The following KLHL20 variants were observed in gnomAD, a reference collection of about 807,000 sequenced individuals.
KLHL20 encodes kelch-like protein 20.
Under a neutral mutation model 69.5 loss-of-function variants are expected in KLHL20, and 29 were observed. The ratio of observed to expected loss-of-function variants is 0.42; its 90% confidence interval spans 0.31 to 0.57. The LOEUF (loss-of-function observed/expected upper bound fraction) is 0.57, where lower values mean the gene tolerates loss of function less well. Ranked by LOEUF, KLHL20 falls within the 20% of genes least tolerant of loss-of-function variation. KLHL20 has a pLI of 0.18. For missense variants in KLHL20, 419 were observed against 776.0 expected (o/e 0.54, Z 5.47); for synonymous variants, 253 against 265.2 (o/e 0.95, Z 0.45).
chr1:173,738,749 A>T (rs1007539601), intron 3 of KLHL20, among the ~76,000 whole-genome samples: 2 of 152,184 alleles, frequency 1.3e-5, no homozygotes, highest in African/African-American at 4.8e-5. Flanking sequence ...TAATGAAATG[A>T]TCATATGATT....
chr1:173,772,568 ATAGT>A (rs1648163810), intron 8 of KLHL20, among the ~76,000 whole-genome samples: 1 of 152,216 alleles, frequency 6.6e-6, no homozygotes, highest in African/African-American at 2.4e-5. Context: ...GATTAACCAA[ATAGT>A]TAATATTATT....
intron 2 of KLHL20, among the ~76,000 whole-genome samples, chr1:173,716,536 A>G (rs779810802): frequency 1.3e-5 from 2 of 152,206 alleles, no homozygotes; most frequent in Non-Finnish European, 2.9e-5. Flanking sequence ...AAGATTGTAT[A>G]AGGACTAAAA....
At chr1:173,764,311 TG>T (rs892010202) in intron 7 of KLHL20, among the ~76,000 whole-genome samples, 20 of 152,288 alleles carry the variant, frequency 1.3e-4, no homozygotes, top group African/African-American at 4.6e-4. Flanking sequence ...TGGAAAACAG[TG>T]CAGAGATTCC....
intron 3 of KLHL20, among the ~76,000 whole-genome samples, chr1:173,740,563 G>A (rs1189131965): frequency 6.6e-6 from 1 of 152,058 alleles, no homozygotes; most frequent in East Asian, 1.9e-4. Context: ...CGCTTTTGCT[G>A]TATCCCACAG....
rs143333518 is a variant in KLHL20, at chr1:173,734,881, A to G, written c.597+595A>G. ...TTATAATCTAGCAGGGAAGATAATC[A>G]TTAAATGCTTAATTATACAAATAAT... is the stretch of plus-strand genomic sequence containing the variant. On this transcript the variant is annotated intron_variant, in intron 3 of 11. Transcript: ENST00000209884. Among the ~76,000 whole-genome samples the G allele has an allele frequency of 1.4e-4, 21 of 152,366 alleles. 1 individual carries two copies. Among genetic ancestry groups the G allele is most frequent in the African/African-American group, 4.8e-4 (20 of 41,586 alleles).
intron 3 of KLHL20, among the ~76,000 whole-genome samples, chr1:173,749,014 G>A (rs1264729855): frequency 1.3e-5 from 2 of 152,028 alleles, no homozygotes; most frequent in Admixed American, 1.3e-4. Flanking sequence ...CCTCCAAAGT[G>A]AACCTGATAC....
intron 2 of KLHL20, among the ~76,000 whole-genome samples, chr1:173,729,901 T>C (rs1672175190): frequency 6.6e-6 from 1 of 152,116 alleles, no homozygotes. Context: ...ATAAAGAATA[T>C]TCAGTTAGGA....
chr1:173,725,118 T>C (rs1671897053), intron 2 of KLHL20, among the ~76,000 whole-genome samples: 1 of 151,890 alleles, frequency 6.6e-6, no homozygotes, highest in Non-Finnish European at 1.5e-5. Flanking sequence ...TTTCTTGGGC[T>C]TTTAAAAATA....
chr1:173,742,563 G>C (rs1416172636), intron 3 of KLHL20, among the ~76,000 whole-genome samples: 2 of 151,980 alleles, frequency 1.3e-5, no homozygotes, highest in Non-Finnish European at 2.9e-5. Context: ...AGCATGGGTT[G>C]TGAGATGCAA....
At chr1:173,764,745 A>G (rs1262948347) in intron 7 of KLHL20, among the ~76,000 whole-genome samples, 1 of 152,156 alleles carries the variant, frequency 6.6e-6, no homozygotes, top group Non-Finnish European at 1.5e-5. Flanking sequence ...GAAGGGGGTC[A>G]AGGGATAAAA....
chr1:173,722,670 T>A (rs1040822898), intron 2 of KLHL20, among the ~76,000 whole-genome samples: 3 of 147,916 alleles, frequency 2.0e-5, no homozygotes, highest in East Asian at 4.0e-4. Flanking sequence ...AGAGCATTAT[T>A]TTTTTTTGCT....
chr1:173,718,476 C>A (rs1408254976), intron 2 of KLHL20, among the ~76,000 whole-genome samples: 2 of 150,218 alleles, frequency 1.3e-5, no homozygotes, highest in African/African-American at 4.9e-5. Context: ...GTCTGGGAGG[C>A]AGAGATTGCA....
intron 8 of KLHL20, among the ~76,000 whole-genome samples, chr1:173,770,013 C>T (rs1316713029): frequency 1.3e-5 from 2 of 152,026 alleles, no homozygotes; most frequent in Non-Finnish European, 1.5e-5. Flanking sequence ...AAACCACTCA[C>T]TCCTATTTCT....
intron 3 of KLHL20, among the ~76,000 whole-genome samples, chr1:173,747,299 A>G (rs1439590161): frequency 1.3e-5 from 2 of 151,796 alleles, no homozygotes; most frequent in Non-Finnish European, 2.9e-5. Flanking sequence ...CAGTGTGTCT[A>G]TTTCTCTTTA....
chr1:173,761,372 T>C (rs541274028), intron 7 of KLHL20, among the ~76,000 whole-genome samples: 4 of 152,214 alleles, frequency 2.6e-5, no homozygotes, highest in African/African-American at 9.6e-5. Context: ...AAACTATACC[T>C]TGGAAAAAAT....
rs769467455 is a variant in KLHL20, at chr1:173,733,858, G to A, written c.169G>A (p.Val57Met). The change falls in exon 3 of 12, where the codon GTG becomes ATG. Residue 57 changes from valine to methionine, a missense_variant. Val to Met is a conservative substitution (Grantham distance 21). This residue lies in a region of KLHL20 where 129 missense variants were observed against 183.6 expected (regional missense o/e 0.70). Coordinates refer to ENST00000209884, the MANE Select transcript of KLHL20 (RefSeq NM_014458.4). ...CAAGCACCCTCGACAAACCTTGGAA[G>A]TGATTAACCTTCTGAGAAAGCACCG... ...SDKHPRQTLEVINLLRKHREL... is the reference protein window; with the variant it reads ...SDKHPRQTLEMINLLRKHREL... 1.2e-6 allele frequency: 2 copies of A among 1,614,028 alleles called. No homozygotes were observed. The highest frequency in any genetic ancestry group is 1.7e-6 in the Non-Finnish European group (2 of 1,180,046).
At chr1:173,727,856 A>C (rs937866010) in intron 2 of KLHL20, among the ~76,000 whole-genome samples, 6 of 152,184 alleles carry the variant, frequency 3.9e-5, no homozygotes, top group Admixed American at 6.5e-5. Context: ...CGAGCAAAAT[A>C]ACCAGCTAAC....
Position 173,785,685 on chromosome 1 carries a change from G to T in KLHL20, c.*438G>T, listed in dbSNP as rs1007603216. On this transcript the variant is annotated 3_prime_UTR_variant, in exon 12 of 12. Coordinates refer to ENST00000209884, the MANE Select transcript of KLHL20 (RefSeq NM_014458.4). The stretch of plus-strand genomic sequence containing the variant: ...CAAGGATTACCAGGAATAAAGGTAG[G>T]TATGCAAAATGTATTAGCTACCCAT... 1 of 151,394 alleles carries T rather than the reference G, an allele frequency of 6.6e-6. No individual in the cohort carries two copies. Among genetic ancestry groups the T allele is most frequent in the Non-Finnish European group, 1.5e-5 (1 of 67,926 alleles). The allele number at this position is 151,394 out of a possible 1,614,324, so 9.4% of individuals were successfully genotyped here.
At chr1:173,769,749 C>G (rs1360037416) in intron 8 of KLHL20, among the ~76,000 whole-genome samples, 1 of 142,456 alleles carries the variant, frequency 7.0e-6, no homozygotes, top group Non-Finnish European at 1.5e-5. Flanking sequence ...CCACTGCACT[C>G]TAGCCAGGGT....
Sources: allele counts gnomAD v4.1 joint callset (sites outside exome capture counted in the v4.1 genomes callset), GRCh38; gene constraint gnomAD v4.1.1; regional missense constraint gnomAD v4.1.1; transcripts MANE v1.5; gene names NCBI Gene and HGNC (gene_info 2026-07-23, HGNC 2026-07-21).